The following CACNA1E variants were observed in gnomAD, a reference collection of about 807,000 sequenced individuals.
CACNA1E encodes the protein voltage-dependent R-type calcium channel subunit alpha-1E.
Under a neutral mutation model 259.2 loss-of-function variants are expected in CACNA1E, and 40 were observed. The observed-to-expected ratio is 0.15, with a 90% CI of 0.12 to 0.20. The LOEUF is 0.20. CACNA1E is among the 10% of genes least tolerant of loss of function. The pLI is 1.00. For missense variants in CACNA1E, 1,874 were observed against 3,040.1 expected (o/e 0.62, Z 9.02); for synonymous variants, 1,104 against 1,138.5 (o/e 0.97, Z 0.61).
rs774399787 is a variant in CACNA1E at position 181,757,989 on chromosome 1, C to G, written c.4372C>G (p.Arg1458Gly). 6.2e-7 allele frequency: 1 copy of G among 1,613,894 alleles called. No individual in the cohort carries two copies. The highest frequency in any genetic ancestry group is 1.3e-5 in the African/African-American group (1 of 74,938). The change falls in exon 31 of 48, where the codon CGC becomes GGC. Residue 1458 changes from arginine to glycine, a missense_variant. This residue lies in a region of CACNA1E where 188 missense variants were observed against 540.6 expected (regional missense o/e 0.35). Transcript: ENST00000367573. ...DFAISAKPLTRYMPQNRHTFQ... is the reference protein window; with the variant it reads ...DFAISAKPLTGYMPQNRHTFQ... ...CGCCATCAGCGCCAAACCTCTCACCCGCTACATGCCGCAGAACAGACACAC... is the reference window on the plus strand; with the variant it reads ...CGCCATCAGCGCCAAACCTCTCACCGGCTACATGCCGCAGAACAGACACAC...
intron 6 of CACNA1E, among the ~76,000 whole-genome samples, chr1:181,596,090 G>T (rs919611068): frequency 2.0e-5 from 3 of 152,174 alleles, no homozygotes; most frequent in Non-Finnish European, 4.4e-5. Flanking sequence ...TGAGGAGGGA[G>T]AAAGATGGGA....
At chr1:181,406,427 C>T (rs1451998604) in intron 1 of CACNA1E, among the ~76,000 whole-genome samples, 2 of 151,838 alleles carry the variant, frequency 1.3e-5, no homozygotes, top group Non-Finnish European at 2.9e-5. Context: ...GATGGAGTCT[C>T]GTTCTGTCTC....
chr1:181,785,654 C>T (rs1660789125), intron 42 of CACNA1E, 59 bp from the exon 43 acceptor site: 1 of 1,198,094 alleles, frequency 8.3e-7, no homozygotes, highest in South Asian at 1.2e-5. Flanking sequence ...TTTATTTTCC[C>T]CACAGCAAAC....
Position 181,721,765 on chromosome 1 carries a change from C to T in CACNA1E, c.1964C>T (p.Thr655Met), listed in dbSNP as rs1572700208. Residue 655 changes from threonine (T) to methionine (M), a missense_variant, in exon 16 of 48, where the codon ACG (threonine) becomes ATG (methionine). Physicochemically the swap from Thr to Met is moderately conservative, Grantham distance 81 (BLOSUM62 -1). Coordinates refer to ENST00000367573, the MANE Select transcript of CACNA1E (RefSeq NM_001205293.3). ...AAIMTVFQILTGEDWNEVMYN... is the reference protein window; with the variant it reads ...AAIMTVFQILMGEDWNEVMYN... ...GTCATTTGCTTTTTGTAGATCCTGA[C>T]GGGTGAGGACTGGAATGAGGTGATG... 1 of 1,608,174 alleles carries T rather than the reference C, an allele frequency of 6.2e-7. No homozygotes were observed. The highest frequency in any genetic ancestry group is 8.5e-7 in the Non-Finnish European group (1 of 1,174,918).
At chr1:181,383,759 C>G (rs1018668584) in intron 1 of CACNA1E, among the ~76,000 whole-genome samples, 1 of 152,234 alleles carries the variant, frequency 6.6e-6, no homozygotes, top group South Asian at 2.1e-4. Flanking sequence ...ACTATATTTC[C>G]CTGCCTCCCT....
At position 181,404,268 on chromosome 1, in the gene CACNA1E, GT is replaced by G. The variant is rs140433763; in HGVS notation, c.-14-8864del. 7.0e-3 allele frequency among the ~76,000 whole-genome samples: 1,059 copies of G among 152,330 alleles called. 6 individuals are homozygous for G. Among genetic ancestry groups the G allele is most frequent in the Non-Finnish European group, 0.012 (848 of 68,038 alleles). On this transcript the variant is annotated intron_variant, in intron 1 of 11. Transcript: ENST00000524607. ...TTCCTTTTTAGATCATTGGAGAGAT[GT>G]GGGCACTTTCAATTGGATTGTAATT...
rs1024328034 is a variant in CACNA1E at position 181,357,250 on chromosome 1, A to G, written c.-15+39127A>G. Reference sequence around the variant, plus strand: ...TTGTCAGCTTCCTCCCCTCCAGCGGAGGTGGCTCCCACTCCTGTTCTCAGC... The same window carrying G: ...TTGTCAGCTTCCTCCCCTCCAGCGGGGGTGGCTCCCACTCCTGTTCTCAGC... On this transcript the variant is annotated intron_variant, in intron 1 of 11. Transcript: ENST00000524607. Among the ~76,000 whole-genome samples the G allele has an allele frequency of 1.1e-4, 16 of 152,254 alleles. No individual in the cohort carries two copies. The East Asian group carries it at 3.1e-3, about 29-fold the overall frequency.
chr1:181,733,201 C>T (rs1359630770), intron 20 of CACNA1E, among the ~76,000 whole-genome samples, 167 bp downstream of exon 20: 3 of 152,194 alleles, frequency 2.0e-5, no homozygotes, highest in African/African-American at 4.8e-5. Flanking sequence ...TGGGCTCTGT[C>T]CCCCCAAAAA....
At chr1:181,574,204 G>T (rs375072351) in intron 3 of CACNA1E, among the ~76,000 whole-genome samples, 1 of 152,086 alleles carries the variant, frequency 6.6e-6, no homozygotes, top group South Asian at 2.1e-4. Context: ...CCTAGGTCAC[G>T]GGTTGATAGG....
At chr1:181,322,803 A>T (rs1187982184) in intron 1 of CACNA1E, among the ~76,000 whole-genome samples, 1 of 152,124 alleles carries the variant, frequency 6.6e-6, no homozygotes, top group Non-Finnish European at 1.5e-5. Flanking sequence ...TTCCTCCATA[A>T]ACACTAGTCT....
chr1:181,402,215 A>G (rs1460273592), intron 1 of CACNA1E, among the ~76,000 whole-genome samples: 1 of 152,186 alleles, frequency 6.6e-6, no homozygotes, highest in African/African-American at 2.4e-5. Flanking sequence ...TTTGGATTGA[A>G]GAGTAGTGTT....
chr1:181,779,606 T>C lies in CACNA1E; in HGVS notation c.5268-1821T>C, dbSNP rs951346292. On this transcript the variant is annotated intron_variant, in intron 38 of 47. Coordinates refer to ENST00000367573, the MANE Select transcript of CACNA1E (RefSeq NM_001205293.3). ...AACATCTAACCCCTCCTCTCTGTCC[T>C]CTGCTCCACCACCACTGCGCCACAT... The C allele has an allele frequency of 7.1e-4, 256 of 362,750 alleles. 5 individuals are homozygous for C. Among genetic ancestry groups the C allele is most frequent in the South Asian group, 5.3e-3 (255 of 47,678 alleles). The allele number at this position is 362,750 out of a possible 1,614,324, so 22.5% of individuals were successfully genotyped here. A position where few individuals can be genotyped will look rare whatever the true frequency, so the allele number is the denominator to read the frequency against.
chr1:181,464,294 A>G (rs1253183373), intron 2 of CACNA1E, among the ~76,000 whole-genome samples: 1 of 151,596 alleles, frequency 6.6e-6, no homozygotes, highest in Non-Finnish European at 1.5e-5. Context: ...AAATGGATAG[A>G]TTAACCTAAG....
At chr1:181,595,128 G>A (rs139245326) in intron 6 of CACNA1E, among the ~76,000 whole-genome samples, 52 of 152,244 alleles carry the variant, frequency 3.4e-4, no homozygotes, top group Middle Eastern at 3.4e-3. Flanking sequence ...GTGTTTTCTT[G>A]ATATGAAACA....
Position 181,757,012 on chromosome 1 carries a change from C to G in CACNA1E, c.4215C>G (p.Val1405=). 1 of 1,613,582 alleles carries G rather than the reference C, an allele frequency of 6.2e-7. No individual in the cohort carries two copies. The highest frequency in any genetic ancestry group is 8.5e-7 in the Non-Finnish European group (1 of 1,179,486). ...TGGAGATGTCTATCTTTTATGTAGT[C>G]TACTTTGTGGTCTTCCCCTTCTTCT... The part of the protein sequence containing the change: ...NRMEMSIFYV[V]YFVVFPFFFV... Residue 1405 remains valine (V), a synonymous_variant, in exon 30 of 48, where the codon GTC becomes GTG. Coordinates refer to ENST00000367573, the MANE Select transcript of CACNA1E (RefSeq NM_001205293.3).
intron 1 of CACNA1E, among the ~76,000 whole-genome samples, chr1:181,364,233 T>C (rs1206286192): frequency 1.3e-5 from 2 of 152,230 alleles, no homozygotes; most frequent in African/African-American, 4.8e-5. Flanking sequence ...ACATTGTGTG[T>C]CTTCTTTATT....
intron 17 of CACNA1E, among the ~76,000 whole-genome samples, chr1:181,725,811 C>T (rs1654852800): frequency 6.6e-6 from 1 of 152,242 alleles, no homozygotes; most frequent in African/African-American, 2.4e-5. Context: ...CATGAGCAAC[C>T]TGTGGATGGC....
At chr1:181,740,043 G>C (rs775252166) in intron 25 of CACNA1E, among the ~76,000 whole-genome samples, 20 of 152,124 alleles carry the variant, frequency 1.3e-4, no homozygotes, top group Non-Finnish European at 2.5e-4. Context: ...CCGGTGTATA[G>C]AGTGTCCCAG....
intron 7 of CACNA1E, among the ~76,000 whole-genome samples, chr1:181,693,815 CAAAA>C (rs996886030): frequency 9.2e-5 from 14 of 152,020 alleles, no homozygotes; most frequent in African/African-American, 3.1e-4. Context: ...AGAAAATTAC[CAAAA>C]CTAAGAGAAG....
Sources: allele counts gnomAD v4.1 joint callset (sites outside exome capture counted in the v4.1 genomes callset), GRCh38; gene constraint gnomAD v4.1.1; regional missense constraint gnomAD v4.1.1; transcripts MANE v1.5; gene names NCBI Gene and HGNC (gene_info 2026-07-23, HGNC 2026-07-21).